WDR1: variants seen among roughly 807,000 people sequenced by gnomAD.
The protein encoded by WDR1 is WD repeat domain 1.
In WDR1, 21 loss-of-function variants were observed where a neutral mutation model predicts 71.9. The observed-to-expected ratio is 0.29, with a 90% CI of 0.21 to 0.42. The LOEUF (loss-of-function observed/expected upper bound fraction) is 0.42. Ranked by LOEUF, WDR1 falls within the 10% of genes least tolerant of loss-of-function variation. The probability of loss-of-function intolerance (pLI) is 1.00; values close to 1 mark genes in which losing one functional copy is unlikely to be tolerated. For missense variants in WDR1, 696 were observed against 824.5 expected, an observed-to-expected ratio of 0.84 and a Z score of 1.91; for synonymous variants, 424 against 347.4, an observed-to-expected ratio of 1.22 and a Z score of -2.45.
In WDR1 at chr4:10,099,057, C is replaced by T. The variant is rs763238375; in HGVS notation, c.312G>A (p.Lys104=). The change falls in exon 4 of 15, where the codon AAG becomes AAA. Residue 104 remains lysine (K), a synonymous_variant. Coordinates refer to ENST00000499869, the MANE Select transcript of WDR1 (RefSeq NM_017491.5). Reference sequence around the variant, plus strand: ...CTTCAGTCCAAGCAATGTCTTTGATCTTCCCAGCGAAAGGCTGGTACTCAT... The same window carrying T: ...CTTCAGTCCAAGCAATGTCTTTGATTTTCCCAGCGAAAGGCTGGTACTCAT... ...LKYEYQPFAG[K]IKDIAWTEDS... 1 of 1,613,958 alleles carries T rather than the reference C, an allele frequency of 6.2e-7. No individual in the cohort carries two copies. Among genetic ancestry groups the T allele is most frequent in the Non-Finnish European group, 8.5e-7 (1 of 1,179,876 alleles).
At chr4:10,103,873 C>T (rs370976279) in intron 3 of WDR1, 23 bp downstream of exon 3, 303 of 1,553,856 alleles carry the variant, frequency 1.9e-4, no homozygotes, top group Admixed American at 1.3e-3. Context: ...CAGGTGTCCA[C>T]GAGCCTTGCC....
Position 10,087,448 on chromosome 4 carries a change from G to A in WDR1, c.951+259C>T, listed in dbSNP as rs146813453. Among the ~76,000 whole-genome samples, 390 of 152,336 alleles carry A rather than the reference G, an allele frequency of 2.6e-3. 8 individuals carry two copies. Among genetic ancestry groups the A allele is most frequent in the Admixed American group, 0.019 (298 of 15,308 alleles). On this transcript the variant is annotated intron_variant, in intron 8 of 14. Coordinates refer to ENST00000499869, the MANE Select transcript of WDR1 (RefSeq NM_017491.5). ...AGCTGGGGGTGATGGCCACTGCCCC[G>A]AATCACTAGGCCCTGACTCTCCAGT... is the stretch of plus-strand genomic sequence containing the variant.
At chr4:10,088,237 A>T in intron 7 of WDR1, 56 bp downstream of exon 7, 1 of 1,479,812 alleles carries the variant, frequency 6.8e-7, no homozygotes, top group Non-Finnish European at 9.2e-7. Flanking sequence ...GGATGGACTG[A>T]CACGTGGACT....
At chr4:10,116,050 G>A (rs1713700090) in intron 2 of WDR1, 63 bp downstream of exon 2, 1 of 1,573,316 alleles carries the variant, frequency 6.4e-7, no homozygotes, top group African/African-American at 1.4e-5. Flanking sequence ...GGAGAGGAAG[G>A]CGAATTATCC....
At chr4:10,108,241 G>A (rs1713139606) in intron 2 of WDR1, 1 of 152,216 alleles carries the variant, frequency 6.6e-6, no homozygotes, top group Non-Finnish European at 1.5e-5. Context: ...CCCAGTCTCA[G>A]GTGGGTGACG....
intron 2 of WDR1, among the ~76,000 whole-genome samples, chr4:10,113,075 G>T (rs971648958): frequency 4.6e-5 from 7 of 152,356 alleles, no homozygotes; most frequent in African/African-American, 1.4e-4. Flanking sequence ...AAAGGGAAAG[G>T]CCTAGTGTGG....
intron 7 of WDR1, 80 bp from the exon 8 acceptor site, chr4:10,088,020 C>A (rs1347154707): frequency 1.5e-6 from 2 of 1,349,820 alleles, no homozygotes; most frequent in East Asian, 2.5e-5. Context: ...TTGTCCACTG[C>A]GACTGTTTGA....
chr4:10,101,924 A>T (rs1712705386), intron 3 of WDR1, among the ~76,000 whole-genome samples: 1 of 152,262 alleles, frequency 6.6e-6, no homozygotes, highest in South Asian at 2.1e-4. Flanking sequence ...TTGGGGAAAA[A>T]ATAAATCACA....
At chr4:10,077,250 C>G in intron 14 of WDR1, 54 bp downstream of exon 14, 1 of 1,607,798 alleles carries the variant, frequency 6.2e-7, no homozygotes, top group Non-Finnish European at 8.5e-7. Flanking sequence ...TGAGGTGGCC[C>G]ATGGAGCCCC....
chr4:10,084,466 G>C lies in WDR1; in HGVS notation c.1016C>G (p.Ser339Cys), dbSNP rs750957390. Reference protein sequence around the residue: ...HKNGGKSYIYSGSHDGHINYW... With the variant: ...HKNGGKSYIYCGSHDGHINYW... ...ATTAATGTGTCCGTCGTGGCTCCCA[G>C]AGTAAATGTAGGACTTGCCGCCGTT... is the stretch of plus-strand genomic sequence containing the variant. The change falls in exon 9 of 15, where the codon TCT becomes TGT. Residue 339 changes from serine to cysteine, a missense_variant. Ser to Cys is a moderately radical substitution (Grantham distance 112). Transcript: ENST00000499869. The C allele has an allele frequency of 6.2e-7, 1 of 1,613,894 alleles. No homozygotes were observed. Among genetic ancestry groups the C allele is most frequent in the Non-Finnish European group, 8.5e-7 (1 of 1,179,808 alleles).
At chr4:10,097,912 G>GA in intron 4 of WDR1, 21 bp from the exon 5 acceptor site, 8 of 1,351,298 alleles carry the variant, frequency 5.9e-6, no homozygotes, top group South Asian at 3.3e-5. Flanking sequence ...TGACACAGGT[G>GA]GAAGACAAAA....
chr4:10,074,873 G>A lies in WDR1; in HGVS notation c.*505C>T, dbSNP rs1764737926. The A allele has an allele frequency of 6.4e-6, 1 of 157,080 alleles. No individual in the cohort carries two copies. The highest frequency in any genetic ancestry group is 2.4e-5 in the African/African-American group (1 of 41,650). The allele number at this position is 157,080 out of a possible 1,614,324, so 9.7% of individuals were successfully genotyped here. On this transcript the variant is annotated 3_prime_UTR_variant, in exon 15 of 15. Coordinates refer to ENST00000499869, the MANE Select transcript of WDR1 (RefSeq NM_017491.5). ...GGTGGCGCTCTGAAGGCAGCCACAA[G>A]GTGTGAGTCACACACTAGGGAGACA...
intron 5 of WDR1, among the ~76,000 whole-genome samples, chr4:10,089,721 C>T (rs1376640890): frequency 2.6e-5 from 4 of 152,230 alleles, no homozygotes; most frequent in African/African-American, 9.6e-5. Flanking sequence ...GAACACTAAC[C>T]TTCAGGAAAA....
chr4:10,115,974 T>C (rs953184870), intron 2 of WDR1, 139 bp downstream of exon 2: 2 of 1,206,646 alleles, frequency 1.7e-6, no homozygotes, highest in African/African-American at 1.5e-5. Context: ...CTCCGAGGTG[T>C]GGCTCCCGGT....
intron 8 of WDR1, among the ~76,000 whole-genome samples, chr4:10,087,224 A>G (rs1711634416): frequency 6.6e-6 from 1 of 152,152 alleles, no homozygotes; most frequent in South Asian, 2.1e-4. Flanking sequence ...CACCACATTC[A>G]AACTCCAGGC....
intron 8 of WDR1, among the ~76,000 whole-genome samples, chr4:10,087,023 G>A (rs934560057): frequency 1.3e-5 from 2 of 151,846 alleles, no homozygotes; most frequent in African/African-American, 4.8e-5. Flanking sequence ...GACCCCCCCA[G>A]CCAATGGAAC....
intron 4 of WDR1, among the ~76,000 whole-genome samples, chr4:10,098,585 A>G (rs1712501374): frequency 6.6e-6 from 1 of 152,122 alleles, no homozygotes; most frequent in Non-Finnish European, 1.5e-5. Flanking sequence ...TCCATCAGAG[A>G]CCCTTGGGGG....
chr4:10,104,845 T>C (rs1247645537), intron 2 of WDR1, among the ~76,000 whole-genome samples: 2 of 152,188 alleles, frequency 1.3e-5, no homozygotes, highest in African/African-American at 4.8e-5. Flanking sequence ...AAGAGGCAGC[T>C]TCCCGCCAGC....
At chr4:10,076,503 C>T (rs1764802146) in intron 14 of WDR1, 2 of 152,228 alleles carry the variant, frequency 1.3e-5, no homozygotes, top group African/African-American at 4.8e-5. Context: ...CATTCATGAA[C>T]TTGTTTGATT....
Sources: allele counts gnomAD v4.1 joint callset (sites outside exome capture counted in the v4.1 genomes callset), GRCh38; gene constraint gnomAD v4.1.1; transcripts MANE v1.5; gene names NCBI Gene and HGNC (gene_info 2026-07-23, HGNC 2026-07-21).